Variants in RERE observed in about 807,000 individuals in gnomAD.
RERE encodes the protein arginine-glutamic acid dipeptide repeats, also known as arginine-glutamic acid dipeptide repeats protein.
A neutral mutation model predicts 146.1 loss-of-function variants in RERE; 40 were observed. That is an observed-to-expected ratio of 0.27 (90% confidence interval 0.21 to 0.36). The LOEUF is 0.36. RERE is among the 10% of genes least tolerant of loss of function. The probability of loss-of-function intolerance (pLI) is 1.00; values close to 1 mark genes in which losing one functional copy is unlikely to be tolerated. For synonymous variants in RERE, 1,003 were observed against 866.0 expected, an observed-to-expected ratio of 1.16 and a Z score of -2.78; for missense variants, 1,933 against 2,138.7, an observed-to-expected ratio of 0.90 and a Z score of 1.90.
At chr1:8,613,888 G>A (rs1466143890) in intron 4 of RERE, among the ~76,000 whole-genome samples, 1 of 152,022 alleles carries the variant, frequency 6.6e-6, no homozygotes, top group Non-Finnish European at 1.5e-5. Context: ...CTAAAAAAAG[G>A]GAGATGTACT....
At chr1:8,385,330 C>A (rs1244910175) in intron 12 of RERE, among the ~76,000 whole-genome samples, 1 of 152,192 alleles carries the variant, frequency 6.6e-6, no homozygotes, top group Non-Finnish European at 1.5e-5. Context: ...GAGTTTCAGA[C>A]TGCCCGTTTG....
intron 20 of RERE, 142 bp downstream of exon 20, chr1:8,358,054 T>A: frequency 7.1e-7 from 1 of 1,413,558 alleles, no homozygotes; most frequent in Non-Finnish European, 9.4e-7. Context: ...CGGTAGTGGA[T>A]GCTGAGCTCT....
At chr1:8,534,997 G>A (rs1645706442) in intron 7 of RERE, among the ~76,000 whole-genome samples, 1 of 152,094 alleles carries the variant, frequency 6.6e-6, no homozygotes, top group Admixed American at 6.5e-5. Context: ...CCAGCTACTA[G>A]GGAGGCTGAG....
intron 12 of RERE, among the ~76,000 whole-genome samples, chr1:8,392,273 A>G (rs1642907281): frequency 6.6e-6 from 1 of 152,252 alleles, no homozygotes; most frequent in African/African-American, 2.4e-5. Flanking sequence ...AATGTCACAG[A>G]GGGCATTTGT....
chr1:8,679,092 C>T (rs1209395240), intron 1 of RERE, among the ~76,000 whole-genome samples: 2 of 152,220 alleles, frequency 1.3e-5, no homozygotes, highest in African/African-American at 4.8e-5. Flanking sequence ...TCCATTGCCA[C>T]TGAAAGTTCT....
At chr1:8,811,662 G>A (rs1412049415) in intron 1 of RERE, among the ~76,000 whole-genome samples, 4 of 152,216 alleles carry the variant, frequency 2.6e-5, no homozygotes, top group African/African-American at 9.7e-5. Flanking sequence ...GCCAATGAAT[G>A]TGTCCGTGCA....
Position 8,423,528 on chromosome 1 carries a change from C to T in RERE, c.1204-721G>A, listed in dbSNP as rs550563240. On this transcript the variant is annotated intron_variant, in intron 11 of 22. Coordinates refer to ENST00000400908, the MANE Select transcript of RERE (RefSeq NM_001042681.2). This position sits in a 1 kb window ranked among gnomAD's most constrained non-coding sequence, Gnocchi z 5.4. ...GCCTCCCGAGCACCCCTCCCCGCCC[C>T]GGTGGGGGCAGCTCCTGGCTCCGAG... The T allele has an allele frequency of 2.0e-6, 2 of 984,846 alleles. No homozygotes were observed. The highest frequency in any genetic ancestry group is 1.7e-5 in the African/African-American group (1 of 57,338). 61.0% of individuals were successfully genotyped at this position (984,846 alleles called of 1,614,324 possible).
At chr1:8,589,685 ACTTT>A (rs1646469178) in intron 4 of RERE, among the ~76,000 whole-genome samples, 1 of 152,158 alleles carries the variant, frequency 6.6e-6, no homozygotes, top group East Asian at 1.9e-4. Flanking sequence ...AGTTCCTCCC[ACTTT>A]CTTTCTTTGT....
At chr1:8,785,083 C>G (rs918556352) in intron 1 of RERE, among the ~76,000 whole-genome samples, 2 of 152,138 alleles carry the variant, frequency 1.3e-5, no homozygotes, top group Non-Finnish European at 2.9e-5. Context: ...CAAATCATAA[C>G]CTGTCTAGCA....
intron 11 of RERE, among the ~76,000 whole-genome samples, chr1:8,457,076 G>C (rs1397417433): frequency 6.6e-6 from 1 of 152,132 alleles, no homozygotes; most frequent in Non-Finnish European, 1.5e-5. Context: ...AATATTTCCA[G>C]AATGAAAGAA....
At chr1:8,593,208 G>A (rs533045739) in intron 4 of RERE, among the ~76,000 whole-genome samples, 55 of 152,248 alleles carry the variant, frequency 3.6e-4, no homozygotes, top group Middle Eastern at 3.4e-3. Context: ...TGTTAGGCAC[G>A]GCTACTGGAA....
chr1:8,538,040 A>C (rs977020967), intron 7 of RERE, among the ~76,000 whole-genome samples: 15 of 152,226 alleles, frequency 9.9e-5, no homozygotes, highest in Admixed American at 8.5e-4. Context: ...GTTCCATCTT[A>C]AGGTTCACTT....
At chr1:8,678,794 G>GA (rs538485707) in intron 1 of RERE, among the ~76,000 whole-genome samples, 204 of 152,186 alleles carry the variant, frequency 1.3e-3, no homozygotes, top group Middle Eastern at 6.8e-3. Flanking sequence ...TTTCTCTAAA[G>GA]AAAAAATGTA....
At chr1:8,448,467 G>GA (rs547866273) in intron 11 of RERE, among the ~76,000 whole-genome samples, 7 of 150,752 alleles carry the variant, frequency 4.6e-5, no homozygotes, top group South Asian at 4.2e-4. Flanking sequence ...TAAAAAGGGG[G>GA]AAAAAAAAAG....
Position 8,360,288 on chromosome 1 carries a change from C to G in RERE, c.3219G>C (p.Ala1073=), listed in dbSNP as rs758262757. 13 of 1,558,098 alleles carry G rather than the reference C, an allele frequency of 8.3e-6. No homozygotes were observed. In the Admixed American group the frequency reaches 9.3e-5, roughly 11 times the overall value. The part of the protein sequence containing the change: ...GTSAQPPCSG[A]AASGGSIAGG... ...CCGCTATGCTGCCTCCTGAAGCCGC[C>G]GCACCAGAGCAGGGTGGCTGGGCCG... is the stretch of plus-strand genomic sequence containing the variant. The change falls in exon 18 of 23, where the codon GCG becomes GCC. Residue 1073 remains alanine (A), a synonymous_variant. Coordinates refer to ENST00000400908, the MANE Select transcript of RERE (RefSeq NM_001042681.2).
intron 1 of RERE, among the ~76,000 whole-genome samples, chr1:8,739,164 C>T (rs1440569422): frequency 6.6e-6 from 1 of 152,204 alleles, no homozygotes; most frequent in African/African-American, 2.4e-5. Context: ...ACAGCAATAG[C>T]TGACATAAAA....
At chr1:8,521,412 C>T (rs529699561) in intron 7 of RERE, among the ~76,000 whole-genome samples, 1 of 152,174 alleles carries the variant, frequency 6.6e-6, no homozygotes, top group Admixed American at 6.5e-5. Context: ...GAGGCCAAGA[C>T]AGGAAGATAG....
chr1:8,639,320 G>T (rs1041790156), intron 2 of RERE, among the ~76,000 whole-genome samples: 1 of 152,114 alleles, frequency 6.6e-6, no homozygotes, highest in African/African-American at 2.4e-5. Flanking sequence ...AAAACTGATG[G>T]TCTCTACAAC....
At chr1:8,575,854 A>C (rs563294175) in intron 4 of RERE, among the ~76,000 whole-genome samples, 31 of 152,228 alleles carry the variant, frequency 2.0e-4, no homozygotes, top group African/African-American at 7.2e-4. Context: ...TACGATACAA[A>C]TGAAAACTGA....
Sources: gnomAD v4.1 joint callset for allele counts (sites outside exome capture counted in the v4.1 genomes callset) on GRCh38, gnomAD v4.1.1 for gene constraint, Gnocchi (gnomAD v3.1) non-coding constraint, MANE v1.5 for transcripts, NCBI Gene and HGNC (gene_info 2026-07-23, HGNC 2026-07-21) for gene names.